CACNA1B: variants seen among roughly 807,000 people sequenced by gnomAD.
CACNA1B encodes the protein calcium voltage-gated channel subunit alpha1 B, also known as voltage-dependent N-type calcium channel subunit alpha-1B.
Under a neutral mutation model 247.2 loss-of-function variants are expected in CACNA1B, and 70 were observed. That is an observed-to-expected ratio of 0.28 (90% confidence interval 0.23 to 0.35). The LOEUF (loss-of-function observed/expected upper bound fraction) is 0.35, where lower values mean the gene tolerates loss of function less well. CACNA1B is among the 10% of genes least tolerant of loss of function. The probability of loss-of-function intolerance (pLI) is 1.00; values close to 1 mark genes in which losing one functional copy is unlikely to be tolerated. For synonymous variants in CACNA1B, 1,231 were observed against 1,294.4 expected (o/e 0.95, Z 1.05); for missense variants, 2,367 against 3,197.4 (o/e 0.74, Z 6.26).
At position 137,971,397 on chromosome 9, in the gene CACNA1B, C is replaced by T. The variant is rs188672212; in HGVS notation, c.1348C>T (p.Arg450Cys). The change falls in exon 11 of 47, where the codon CGC becomes TGC. Residue 450 changes from arginine (R) to cysteine (C), a missense_variant. By Grantham distance (180) the Arg-to-Cys change is radical (BLOSUM62 -3). Around this residue, in one of 12 missense-constraint regions of CACNA1B, gnomAD observed 219 missense variants for 297.6 expected, o/e 0.74. Transcript: ENST00000371372. This position sits in a 1 kb window ranked among gnomAD's most constrained non-coding sequence, Gnocchi z 4.4. ...DLCAVGSPFARASLKSGKTES... is the reference protein window; with the variant it reads ...DLCAVGSPFACASLKSGKTES... The stretch of plus-strand genomic sequence containing the variant: ...CATCCCCTCAGGATCCCCCTTCGCC[C>T]GCGCCAGCCTCAAGAGCGGGAAGAC... 99 of 1,611,620 alleles carry T rather than the reference C, an allele frequency of 6.1e-5. No homozygotes were observed. The highest frequency in any genetic ancestry group is 3.3e-4 in the Middle Eastern group (2 of 6,056).
chr9:138,052,206 G>C lies in CACNA1B; in HGVS notation c.3807+18G>C, dbSNP rs1417276921. On this transcript the variant is annotated intron_variant, in intron 25 of 46. Coordinates refer to ENST00000371372, the MANE Select transcript of CACNA1B (RefSeq NM_000718.4). The surrounding 1 kb of genome is among the most constrained non-coding windows in gnomAD (Gnocchi z 5.1). Reference sequence around the variant, plus strand: ...AGCTCAAGGTTAGAGCCTGGAGTTGGGGCTTGAGGGATGTGCTGTGTGTGT... The same window carrying C: ...AGCTCAAGGTTAGAGCCTGGAGTTGCGGCTTGAGGGATGTGCTGTGTGTGT... 1.4e-6 allele frequency: 2 copies of C among 1,458,628 alleles called. No individual in the cohort carries two copies. The highest frequency in any genetic ancestry group is 1.9e-6 in the Non-Finnish European group (2 of 1,047,222). 90.4% of individuals were successfully genotyped at this position (1,458,628 alleles called of 1,614,324 possible).
chr9:138,040,905 G>C (rs1959112481), intron 20 of CACNA1B, among the ~76,000 whole-genome samples: 1 of 152,118 alleles, frequency 6.6e-6, no homozygotes, highest in Non-Finnish European at 1.5e-5. Context: ...CTCAACTAAG[G>C]TTTTGTGAGC....
rs137907821 is a variant in CACNA1B at position 138,021,558 on chromosome 9, G to A, written c.2268-1453G>A. On this transcript the variant is annotated intron_variant, in intron 18 of 46. Coordinates refer to ENST00000371372, the MANE Select transcript of CACNA1B (RefSeq NM_000718.4). ...CAGGGCCCCGGAGCTGGTGGCCGCCGGCCTGGGCCTCTGCAGGCCGTGGTT... is the reference window on the plus strand; with the variant it reads ...CAGGGCCCCGGAGCTGGTGGCCGCCAGCCTGGGCCTCTGCAGGCCGTGGTT... Among the ~76,000 whole-genome samples, 690 of 152,356 alleles carry A rather than the reference G, an allele frequency of 4.5e-3. 2 individuals are homozygous for A. The highest frequency in any genetic ancestry group is 7.0e-3 in the Non-Finnish European group (476 of 68,034).
intron 31 of CACNA1B, among the ~76,000 whole-genome samples, chr9:138,061,122 CAG>C (rs1432964133): frequency 6.6e-6 from 1 of 152,234 alleles, no homozygotes; most frequent in Non-Finnish European, 1.5e-5. Context: ...GAGAAAGGCC[CAG>C]TGAAGCCCCT....
Position 138,059,148 on chromosome 9 carries a change from T to A in CACNA1B, c.4543T>A (p.Ser1515Thr). The part of the protein sequence containing the change: ...CLNIVFTSMF[S>T]MECVLKIIAF... ...GAACATCGTGTTCACATCCATGTTCTCCATGGAATGCGTGCTGAAGATCAT... is the reference window on the plus strand; with the variant it reads ...GAACATCGTGTTCACATCCATGTTCACCATGGAATGCGTGCTGAAGATCAT... The change falls in exon 30 of 47, where the codon TCC becomes ACC. Residue 1515 changes from serine to threonine, a missense_variant. Physicochemically the swap from Ser to Thr is moderately conservative, Grantham distance 58. Around this residue, in one of 12 missense-constraint regions of CACNA1B, gnomAD observed 436 missense variants for 679.5 expected, o/e 0.64. Coordinates refer to ENST00000371372, the MANE Select transcript of CACNA1B (RefSeq NM_000718.4). The surrounding 1 kb of genome is among the most constrained non-coding windows in gnomAD (Gnocchi z 4.2). The A allele has an allele frequency of 6.2e-7, 1 of 1,611,440 alleles. No individual in the cohort carries two copies. The highest frequency in any genetic ancestry group is 8.5e-7 in the Non-Finnish European group (1 of 1,177,650).
Position 138,025,115 on chromosome 9 carries a change from A to C in CACNA1B, c.3229A>C (p.Ile1077Leu), listed in dbSNP as rs763169082. The change falls in exon 20 of 47, where the codon ATT becomes CTT. Residue 1077 changes from isoleucine (I) to leucine (L), a missense_variant. Ile to Leu is a conservative substitution (Grantham distance 5). This residue lies in a region of CACNA1B where 631 missense variants were observed against 631.1 expected (regional missense o/e 1.00). Transcript: ENST00000371372. ...CAGTCAGCCCCCAGACCCGAACACT[A>C]TTGTACATATCCCAGTGATGCTGAC... ...MGSQPPDPNT[I>L]VHIPVMLTGP... is the part of the protein sequence containing the mutation. 3.7e-6 allele frequency: 6 copies of C among 1,613,334 alleles called. No individual in the cohort carries two copies. In the African/African-American group the frequency reaches 5.3e-5, roughly 14 times the overall value.
intron 6 of CACNA1B, among the ~76,000 whole-genome samples, chr9:137,918,626 A>C (rs1418697410): frequency 6.6e-6 from 1 of 152,160 alleles, no homozygotes; most frequent in Non-Finnish European, 1.5e-5. Context: ...AGCCTCCAGC[A>C]GCTGTGCTCA....
At chr9:137,940,649 A>G (rs1353441983) in intron 6 of CACNA1B, among the ~76,000 whole-genome samples, 2 of 152,250 alleles carry the variant, frequency 1.3e-5, no homozygotes, top group Non-Finnish European at 2.9e-5. Flanking sequence ...CCTGATGAAC[A>G]TAGATGTAGA....
At chr9:138,041,316 GT>G (rs1200469248) in intron 20 of CACNA1B, among the ~76,000 whole-genome samples, 1 of 152,164 alleles carries the variant, frequency 6.6e-6, no homozygotes, top group Non-Finnish European at 1.5e-5. Context: ...AGGGGAACCT[GT>G]GCCATCGCAT....
Position 138,054,118 on chromosome 9 carries a change from C to T in CACNA1B, c.3968+112C>T. On this transcript the variant is annotated intron_variant, in intron 26 of 46. Coordinates refer to ENST00000371372, the MANE Select transcript of CACNA1B (RefSeq NM_000718.4). The surrounding 1 kb of genome is among the most constrained non-coding windows in gnomAD (Gnocchi z 4.6). ...TCACACGGCGTGGGAGACTCCACTG[C>T]AGAGCATCACGGACCCTGCCTGAGG... 1.0e-6 allele frequency: 1 copy of T among 1,000,448 alleles called. No homozygotes were observed. 62.0% of individuals were successfully genotyped at this position (1,000,448 alleles called of 1,614,324 possible). A position where few individuals can be genotyped will look rare whatever the true frequency, so the allele number is the denominator to read the frequency against.
chr9:137,960,014 TA>T (rs906129458), intron 10 of CACNA1B, among the ~76,000 whole-genome samples: 1 of 149,942 alleles, frequency 6.7e-6, no homozygotes, highest in Non-Finnish European at 1.5e-5. Context: ...TGCCTTTGAG[TA>T]AAAGAGTTGC....
At chr9:138,108,433 T>C (rs1053449332) in intron 39 of CACNA1B, among the ~76,000 whole-genome samples, 1 of 151,810 alleles carries the variant, frequency 6.6e-6, no homozygotes, top group Non-Finnish European at 1.5e-5. Context: ...TTTATTGAAG[T>C]CTACCAACTG....
chr9:138,096,143 G>C (rs993857329), intron 36 of CACNA1B, among the ~76,000 whole-genome samples: 2 of 152,172 alleles, frequency 1.3e-5, no homozygotes, highest in African/African-American at 2.4e-5. Context: ...CAAATTGTTG[G>C]CCCGTAGAGT....
Position 137,886,280 on chromosome 9 carries a change from C to T in CACNA1B, c.530+3397C>T, listed in dbSNP as rs1957010717. ...TCTGACATGGGGGCCTCCAGCAGTT[C>T]ACTCCAGCAAGAGCCCCACTGAGTG... On this transcript the variant is annotated intron_variant, in intron 3 of 46. Transcript: ENST00000371372. Among the ~76,000 whole-genome samples the T allele has an allele frequency of 4.0e-5, 6 of 149,516 alleles. No homozygotes were observed. The South Asian group carries it at 1.2e-3, about 30-fold the overall frequency.
Position 137,976,097 on chromosome 9 carries a change from C to A in CACNA1B, c.1656+78C>A. Reference sequence around the variant, plus strand: ...ACACAGCCCCCTCCCATAGGCCATGCCCAGTGTGGGCTGGGGTCTGTGACC... The same window carrying A: ...ACACAGCCCCCTCCCATAGGCCATGACCAGTGTGGGCTGGGGTCTGTGACC... On this transcript the variant is annotated intron_variant, in intron 12 of 46. Coordinates refer to ENST00000371372, the MANE Select transcript of CACNA1B (RefSeq NM_000718.4). 4.5e-6 allele frequency: 4 copies of A among 880,176 alleles called. No homozygotes were observed. In the Admixed American group the frequency reaches 6.2e-5, roughly 14 times the overall value. 54.5% of individuals were successfully genotyped at this position (880,176 alleles called of 1,614,324 possible).
rs763934366 is a variant in CACNA1B, at chr9:138,114,410, G to A, written c.5569G>A (p.Ala1857Thr). Residue 1857 changes from alanine to threonine, a missense_variant, in exon 41 of 47, where the codon GCT becomes ACT. Coordinates refer to ENST00000371372, the MANE Select transcript of CACNA1B (RefSeq NM_000718.4). ...DEMTVGKVYA[A>T]LMIFDFYKQN... ...GATGACAGTGGGGAAGGTTTATGCA[G>A]CTCTGATGATATTCGACTTCTACAA... 1 of 1,592,832 alleles carries A rather than the reference G, an allele frequency of 6.3e-7. No homozygotes were observed. The highest frequency in any genetic ancestry group is 1.3e-5 in the African/African-American group (1 of 74,744).
chr9:137,971,879 C>T lies in CACNA1B; in HGVS notation c.1543+287C>T, dbSNP rs988766948. The stretch of plus-strand genomic sequence containing the variant: ...GAGACTGGTTGAGGGGTCCGAGGCA[C>T]CCAGGGCAGGATATATGTGGGACGA... On this transcript the variant is annotated intron_variant, in intron 11 of 46. Transcript: ENST00000371372. The surrounding 1 kb of genome is among the most constrained non-coding windows in gnomAD (Gnocchi z 4.4). Among the ~76,000 whole-genome samples the T allele has an allele frequency of 1.3e-5, 2 of 152,250 alleles. No homozygotes were observed. Among genetic ancestry groups the T allele is most frequent in the East Asian group, 3.9e-4 (2 of 5,174 alleles).
intron 6 of CACNA1B, among the ~76,000 whole-genome samples, chr9:137,943,105 C>T (rs991881699): frequency 6.0e-5 from 9 of 151,054 alleles, no homozygotes; most frequent in African/African-American, 2.0e-4. Flanking sequence ...GAAATGGTCC[C>T]AGGTTAACTA....
Position 137,971,550 on chromosome 9 carries a change from A to G in CACNA1B, c.1501A>G (p.Met501Val), listed in dbSNP as rs369891916. 6.2e-7 allele frequency: 1 copy of G among 1,613,740 alleles called. No individual in the cohort carries two copies. Among genetic ancestry groups the G allele is most frequent in the Non-Finnish European group, 8.5e-7 (1 of 1,179,776 alleles). ...GGCCCTGAACACACTGTGTGTGGCC[A>G]TGGTGCATTACAACCAGCCGCGGCG... ...VVALNTLCVA[M>V]VHYNQPRRLT... The change falls in exon 11 of 47, where the codon ATG (methionine) becomes GTG (valine). Residue 501 changes from methionine (M) to valine (V), a missense_variant. Around this residue, in one of 12 missense-constraint regions of CACNA1B, gnomAD observed 219 missense variants for 297.6 expected, o/e 0.74. Coordinates refer to ENST00000371372, the MANE Select transcript of CACNA1B (RefSeq NM_000718.4). This position sits in a 1 kb window ranked among gnomAD's most constrained non-coding sequence, Gnocchi z 4.4.
Sources: gnomAD v4.1 joint callset for allele counts (sites outside exome capture counted in the v4.1 genomes callset) on GRCh38, gnomAD v4.1.1 for gene constraint, gnomAD v4.1.1 regional missense constraint, Gnocchi (gnomAD v3.1) non-coding constraint, MANE v1.5 for transcripts, NCBI Gene and HGNC (gene_info 2026-07-23, HGNC 2026-07-21) for gene names.